The following PVALB variants were observed in gnomAD, a reference collection of about 807,000 sequenced individuals.
The protein encoded by PVALB is parvalbumin.
PVALB carries 11 observed loss-of-function variants against 10.9 expected under a neutral mutation model. The observed-to-expected ratio is 1.01, with a 90% confidence interval of 0.63 to 1.67. The LOEUF (loss-of-function observed/expected upper bound fraction) is 1.67, where lower values mean the gene tolerates loss of function less well. PVALB is among the 40% of genes most tolerant of loss of function. The pLI, the probability that PVALB is intolerant of heterozygous loss-of-function variation, is 0.00. For synonymous variants in PVALB, 57 were observed against 50.7 expected (o/e 1.12, Z -0.53); for missense variants, 131 against 136.2 (o/e 0.96, Z 0.19).
At chr22:36,801,874 A>C (rs1280447311) in intron 3 of PVALB, among the ~76,000 whole-genome samples, 2 of 152,214 alleles carry the variant, frequency 1.3e-5, no homozygotes, top group Non-Finnish European at 2.9e-5. Flanking sequence ...CTGGGGATTG[A>C]AAGTTAGGGC....
At chr22:36,813,557 C>G (rs1939079800) in intron 3 of PVALB, 89 bp downstream of exon 3, 6 of 1,107,494 alleles carry the variant, frequency 5.4e-6, no homozygotes, top group South Asian at 2.6e-5. Context: ...CATATCATCC[C>G]TTCCTTGTGA....
At chr22:36,806,942 C>G (rs140475998) in intron 3 of PVALB, among the ~76,000 whole-genome samples, 12 of 152,180 alleles carry the variant, frequency 7.9e-5, no homozygotes, top group African/African-American at 2.6e-4. Context: ...CAAGCTGCAA[C>G]CCCCAGAGGC....
At chr22:36,803,099 A>G (rs982847217) in intron 3 of PVALB, among the ~76,000 whole-genome samples, 2 of 152,194 alleles carry the variant, frequency 1.3e-5, no homozygotes, top group Non-Finnish European at 2.9e-5. Context: ...TATCTCATTG[A>G]ATCCTCATGA....
chr22:36,811,740 A>G (rs1258564675), intron 3 of PVALB, among the ~76,000 whole-genome samples: 1 of 152,158 alleles, frequency 6.6e-6, no homozygotes, highest in African/African-American at 2.4e-5. Flanking sequence ...GTCAGGGTTC[A>G]GATGGGAGCC....
At chr22:36,806,719 C>T (rs1039202999) in intron 3 of PVALB, among the ~76,000 whole-genome samples, 15 of 152,170 alleles carry the variant, frequency 9.9e-5, no homozygotes, top group Non-Finnish European at 1.5e-4. Flanking sequence ...AAGGAGGCCG[C>T]GTCAACAGTT....
At chr22:36,803,236 G>T (rs781329626) in intron 3 of PVALB, among the ~76,000 whole-genome samples, 4 of 152,128 alleles carry the variant, frequency 2.6e-5, no homozygotes, top group Non-Finnish European at 5.9e-5. Context: ...CTTCATCCCT[G>T]TAGTTTCCGA....
At chr22:36,816,339 C>T (rs1939138333) in intron 1 of PVALB, 1 of 152,316 alleles carries the variant, frequency 6.6e-6, no homozygotes, top group African/African-American at 2.4e-5. Context: ...AGTTCCCCTC[C>T]CCTGCCCGCC....
At chr22:36,819,185 G>A (rs1939199448), upstream of PVALB, among the ~76,000 whole-genome samples, 1 of 152,148 alleles carries the variant, frequency 6.6e-6, no homozygotes, top group Admixed American at 6.5e-5. Context: ...CTAAGGCTGG[G>A]GAATCTGAGG....
At chr22:36,805,507 C>T (rs181118939) in intron 3 of PVALB, among the ~76,000 whole-genome samples, 1 of 152,270 alleles carries the variant, frequency 6.6e-6, no homozygotes, top group Admixed American at 6.5e-5. Context: ...TTCTTGTTGC[C>T]ATTGTTTGTC....
intron 3 of PVALB, 67 bp downstream of exon 3, chr22:36,813,579 T>C: frequency 1.5e-6 from 2 of 1,332,782 alleles, no homozygotes; most frequent in Non-Finnish European, 2.2e-6. Context: ...AGACATAGCT[T>C]CAAACTTTTC....
chr22:36,815,304 G>T (rs1297430952), intron 1 of PVALB, 69 bp from the exon 2 acceptor site: 5 of 1,580,214 alleles, frequency 3.2e-6, no homozygotes, highest in Non-Finnish European at 4.3e-6. Flanking sequence ...AGAATGGGGG[G>T]CATCAAGGCA....
chr22:36,819,031 C>A (rs1244053150), upstream of PVALB, among the ~76,000 whole-genome samples: 4 of 152,190 alleles, frequency 2.6e-5, no homozygotes, highest in Non-Finnish European at 4.4e-5. Context: ...CAACTTGACA[C>A]CCCCTCCGGG....
intron 3 of PVALB, among the ~76,000 whole-genome samples, chr22:36,805,108 C>A (rs1057371063): frequency 6.6e-6 from 1 of 152,196 alleles, no homozygotes; most frequent in East Asian, 1.9e-4. Flanking sequence ...ATGCCTCATC[C>A]TCCCTGGTCT....
intron 3 of PVALB, among the ~76,000 whole-genome samples, chr22:36,809,099 C>T (rs754311902): frequency 2.0e-5 from 3 of 152,162 alleles, no homozygotes; most frequent in Non-Finnish European, 4.4e-5. Context: ...ACAAACAGAG[C>T]AGGGAAGAGA....
In PVALB at chr22:36,800,813, T is replaced by C; in HGVS notation, c.*77A>G. On this transcript the variant is annotated 3_prime_UTR_variant, in exon 4 of 4. Coordinates refer to ENST00000417718, the MANE Select transcript of PVALB (RefSeq NM_001315532.2). ...ATAACATAAACGAACTGAACAGAAA[T>C]GCAGGAGGGTGGCGAGAGGGGCCGA... The C allele has an allele frequency of 6.8e-7, 1 of 1,468,678 alleles. No individual in the cohort carries two copies. The highest frequency in any genetic ancestry group is 9.5e-7 in the Non-Finnish European group (1 of 1,047,814). 91.0% of individuals were successfully genotyped at this position (1,468,678 alleles called of 1,614,324 possible).
chr22:36,802,802 G>T (rs1213635593), intron 3 of PVALB, among the ~76,000 whole-genome samples: 1 of 151,986 alleles, frequency 6.6e-6, no homozygotes, highest in Non-Finnish European at 1.5e-5. Flanking sequence ...AGAGAGTGAG[G>T]GTCCACCAGC....
At chr22:36,811,861 C>T (rs1237268547) in intron 3 of PVALB, among the ~76,000 whole-genome samples, 1 of 152,072 alleles carries the variant, frequency 6.6e-6, no homozygotes, top group Non-Finnish European at 1.5e-5. Context: ...GATGCCTTTC[C>T]AATACCCTCT....
chr22:36,809,211 G>C (rs565445674), intron 3 of PVALB, among the ~76,000 whole-genome samples: 1 of 152,288 alleles, frequency 6.6e-6, no homozygotes, highest in South Asian at 2.1e-4. Context: ...CAGCAGTTAT[G>C]ATCCTCATCA....
chr22:36,816,291 C>G (rs73156267), intron 1 of PVALB: 1 of 152,362 alleles, frequency 6.6e-6, no homozygotes, highest in Non-Finnish European at 1.5e-5. Context: ...GGCAGCTTAG[C>G]GCTGAAGTCC....
Sources: allele counts gnomAD v4.1 joint callset (sites outside exome capture counted in the v4.1 genomes callset), GRCh38; gene constraint gnomAD v4.1.1; transcripts MANE v1.5; gene names NCBI Gene and HGNC (gene_info 2026-07-23, HGNC 2026-07-21).